NINL: variants seen among roughly 807,000 people sequenced by gnomAD.
NINL encodes the protein ninein-like protein.
In NINL, 153 loss-of-function variants were observed where a neutral mutation model predicts 160.3. That is an observed-to-expected ratio of 0.95 (90% CI 0.84 to 1.09). The LOEUF (loss-of-function observed/expected upper bound fraction) is 1.09, where lower values mean the gene tolerates loss of function less well. Ranked by LOEUF, NINL falls within the 50% of genes least tolerant of loss-of-function variation. The pLI is 0.00. For synonymous variants in NINL, 800 were observed against 734.8 expected (o/e 1.09, Z -1.43); for missense variants, 1,829 against 1,764.0 (o/e 1.04, Z -0.66).
intron 1 of NINL, among the ~76,000 whole-genome samples, chr20:25,542,499 G>A (rs1456991645): frequency 6.6e-6 from 1 of 151,624 alleles, no homozygotes. Context: ...TGAAAGACAT[G>A]CATATTTGGA....
chr20:25,585,345 C>T (rs972339334), intron 1 of NINL, 110 bp downstream of exon 1: 1 of 152,260 alleles, frequency 6.6e-6, no homozygotes, highest in Non-Finnish European at 1.5e-5. Context: ...AGGCCGCGCT[C>T]CCGGAGCCGG....
chr20:25,453,321 G>T lies in NINL; in HGVS notation c.*130C>A. On this transcript the variant is annotated 3_prime_UTR_variant, in exon 24 of 24. Transcript: ENST00000278886. ...GGCAGACCATTCATTAACTATCTGC[G>T]GGGTGAACAAAGAATCCCAATCCTC... 1.3e-6 allele frequency: 1 copy of T among 764,072 alleles called. No individual in the cohort carries two copies. The highest frequency in any genetic ancestry group is 2.8e-5 in the East Asian group (1 of 35,984). 47.3% of individuals were successfully genotyped at this position (764,072 alleles called of 1,614,324 possible). A position where few individuals can be genotyped will look rare whatever the true frequency, so the allele number is the denominator to read the frequency against.
At position 25,504,919 on chromosome 20, in the gene NINL, T is replaced by G; in HGVS notation, c.677A>C (p.Gln226Pro). The G allele has an allele frequency of 9.9e-6, 16 of 1,612,146 alleles. No individual in the cohort carries two copies. Among genetic ancestry groups the G allele is most frequent in the Non-Finnish European group, 1.4e-5 (16 of 1,179,964 alleles). ...LSEQELAVVC[Q>P]SVGLQGLEKE... ...CTCGAGTCCCTGGAGCCCGACGCTC[T>G]GGCAGACCACAGCCAGCTCCTGCTC... The change falls in exon 6 of 24, where the codon CAG becomes CCG. Residue 226 changes from glutamine to proline, a missense_variant. Transcript: ENST00000278886.
Position 25,477,042 on chromosome 20 carries a change from G to GCTCCCAGCCCCGACAGCT in NINL, c.2231_2248dup (p.Glu744_Gly749dup). On this transcript the variant is annotated inframe_insertion, in exon 17 of 24. Transcript: ENST00000278886. ...GGTCAGGTCTCTGCGAGCGGGCAGG[G>GCTCCCAGCCCCGACAGCT]CTCCCAGCCCCGACAGCTCTCCACT... 6.3e-7 allele frequency: 1 copy of GCTCCCAGCCCCGACAGCT among 1,598,882 alleles called. No individual in the cohort carries two copies. The highest frequency in any genetic ancestry group is 8.5e-7 in the Non-Finnish European group (1 of 1,179,632).
At chr20:25,520,566 G>A (rs950780167) in intron 2 of NINL, among the ~76,000 whole-genome samples, 39 of 152,186 alleles carry the variant, frequency 2.6e-4, no homozygotes, top group African/African-American at 9.4e-4. Context: ...TATTTATTGG[G>A]TGTCTTTGCC....
chr20:25,489,823 C>A, intron 12 of NINL, 52 bp downstream of exon 12: 3 of 1,509,750 alleles, frequency 2.0e-6, no homozygotes, highest in Non-Finnish European at 2.8e-6. Context: ...CACCCCCACT[C>A]TGCCCAGCAG....
At chr20:25,573,889 C>G (rs2065084502) in intron 1 of NINL, among the ~76,000 whole-genome samples, 3 of 152,158 alleles carry the variant, frequency 2.0e-5, no homozygotes, top group Non-Finnish European at 4.4e-5. Flanking sequence ...AGACAAGAGC[C>G]TGGAGCATCA....
intron 1 of NINL, among the ~76,000 whole-genome samples, chr20:25,580,142 A>C (rs2065157027): frequency 6.6e-6 from 1 of 152,112 alleles, no homozygotes; most frequent in East Asian, 1.9e-4. Flanking sequence ...AGACCAGCGT[A>C]GACAACGTGG....
intron 1 of NINL, among the ~76,000 whole-genome samples, chr20:25,538,002 C>T (rs555612871): frequency 3.3e-5 from 5 of 152,306 alleles, no homozygotes; most frequent in East Asian, 1.9e-4. Context: ...GGGACCAACA[C>T]GGTGCCCTGC....
At chr20:25,484,496 G>GGCA (rs537361754) in intron 13 of NINL, among the ~76,000 whole-genome samples, 118 of 152,340 alleles carry the variant, frequency 7.7e-4, no homozygotes, top group African/African-American at 2.8e-3. Flanking sequence ...GACAAAACAA[G>GGCA]GCAGCAGCCA....
chr20:25,479,301 G>A, intron 15 of NINL, 95 bp from the exon 16 acceptor site: 4 of 1,480,756 alleles, frequency 2.7e-6, no homozygotes, highest in East Asian at 2.3e-5. Flanking sequence ...CTGGCACAAC[G>A]TGCAAAGACC....
Position 25,524,996 on chromosome 20 carries a change from T to C in NINL, c.180+1412A>G, listed in dbSNP as rs555589411. On this transcript the variant is annotated intron_variant, in intron 2 of 23. Coordinates refer to ENST00000278886, the MANE Select transcript of NINL (RefSeq NM_025176.6). The stretch of plus-strand genomic sequence containing the variant: ...CTGTATTGCTTAAATAACCAGAGCG[T>C]TGATTTTTCATAAATGTGCCTTTTG... Among the ~76,000 whole-genome samples the C allele has an allele frequency of 7.9e-5, 12 of 151,720 alleles. No homozygotes were observed. In the East Asian group the frequency reaches 9.6e-4, roughly 12 times the overall value.
At chr20:25,479,742 A>G (rs1215738423) in intron 15 of NINL, among the ~76,000 whole-genome samples, 1 of 152,200 alleles carries the variant, frequency 6.6e-6, no homozygotes, top group African/African-American at 2.4e-5. Context: ...AACAGGGCTA[A>G]GTTCATCCTG....
At chr20:25,510,627 G>C in intron 5 of NINL, 47 bp downstream of exon 5, 4 of 1,558,720 alleles carry the variant, frequency 2.6e-6, no homozygotes, top group Non-Finnish European at 3.5e-6. Context: ...AGCTTTCAAA[G>C]CTCTGGGCAA....
In NINL at chr20:25,481,960, G is replaced by GCTC. The variant is rs754244753; in HGVS notation, c.1810+5_1810+7dup. On this transcript the variant is annotated splice_region_variant and intron_variant, in intron 14 of 23. Transcript: ENST00000278886. ...TGGGTCAGCCCCCTCCCAGGGACGGGCTCCTACCTGCTGGGCCGAGTCCAG... is the reference window on the plus strand; with the variant it reads ...TGGGTCAGCCCCCTCCCAGGGACGGGCTCCTCCTACCTGCTGGGCCGAGTCCAG... 2 of 1,595,346 alleles carry GCTC rather than the reference G, an allele frequency of 1.3e-6. No individual in the cohort carries two copies. Among genetic ancestry groups the GCTC allele is most frequent in the Non-Finnish European group, 8.5e-7 (1 of 1,177,242 alleles).
intron 1 of NINL, among the ~76,000 whole-genome samples, chr20:25,557,493 TGCACTCCACC>T (rs1568964850): frequency 3.3e-5 from 5 of 151,532 alleles, no homozygotes; most frequent in Non-Finnish European, 7.4e-5. Context: ...ATCACACCAC[TGCACTCCACC>T]CTGGGCAACA....
At chr20:25,469,664 C>T (rs1221514236) in intron 18 of NINL, among the ~76,000 whole-genome samples, 1 of 152,148 alleles carries the variant, frequency 6.6e-6, no homozygotes, top group African/African-American at 2.4e-5. Context: ...CCCCCAACCC[C>T]TAAGTGCGAC....
chr20:25,496,855 C>A (rs749199811), intron 9 of NINL, 52 bp from the exon 10 acceptor site: 1 of 1,600,212 alleles, frequency 6.2e-7, no homozygotes, highest in Non-Finnish European at 8.5e-7. Context: ...TGGCCTGACC[C>A]GCCATGCCAG....
Position 25,453,595 on chromosome 20 carries a change from C to A in NINL, c.4005G>T (p.Val1335=). ...GTGCTCTCACCAGGTGGGCGTTCTC[C>A]ACGTACAGCTCCTTCAGCAGCAGGT... The part of the protein sequence containing the change: ...KSDLLLKELY[V]ENAHLVRALQ... The change falls in exon 24 of 24, where the codon GTG becomes GTT. Residue 1335 remains valine, a synonymous_variant. Transcript: ENST00000278886. 1 of 1,613,714 alleles carries A rather than the reference C, an allele frequency of 6.2e-7. No homozygotes were observed. The highest frequency in any genetic ancestry group is 1.7e-5 in the Admixed American group (1 of 59,942).
Sources: allele counts gnomAD v4.1 joint callset (sites outside exome capture counted in the v4.1 genomes callset), GRCh38; gene constraint gnomAD v4.1.1; transcripts MANE v1.5; gene names NCBI Gene and HGNC (gene_info 2026-07-23, HGNC 2026-07-21).